TRAK1: variants seen among roughly 807,000 people sequenced by gnomAD.
TRAK1 encodes trafficking kinesin-binding protein 1.
A neutral mutation model predicts 92.1 loss-of-function variants in TRAK1; 33 were observed. The observed-to-expected ratio is 0.36, with a 90% CI of 0.27 to 0.48. TRAK1 has a LOEUF of 0.48. Among genes scored for constraint, TRAK1 ranks in the 20% least tolerant of loss-of-function variants. The probability of loss-of-function intolerance (pLI) is 0.99; values close to 1 mark genes in which losing one functional copy is unlikely to be tolerated. For missense variants in TRAK1, 1,123 were observed against 1,257.9 expected (o/e 0.89, Z 1.62); for synonymous variants, 521 against 517.3 (o/e 1.01, Z -0.10).
At chr3:42,016,113 G>T (rs974375907) in intron 1 of TRAK1, among the ~76,000 whole-genome samples, 6 of 152,080 alleles carry the variant, frequency 3.9e-5, no homozygotes, top group Non-Finnish European at 8.8e-5. Flanking sequence ...ACATTGAATG[G>T]AGTTCTTAAA....
upstream of TRAK1, among the ~76,000 whole-genome samples, chr3:42,084,682 A>C (rs982945614): frequency 1.3e-5 from 2 of 152,120 alleles, no homozygotes; most frequent in African/African-American, 4.8e-5. Context: ...CATCCTGCTC[A>C]GCCCTCTGCT....
chr3:42,204,023 T>C (rs9853735), intron 13 of TRAK1: 665,422 of 985,060 alleles, frequency 0.68, 225,644 homozygotes, highest in East Asian at 0.98. Context: ...GTGGGCTAGT[T>C]TGTTTTTATT....
At chr3:42,211,797 T>A in intron 14 of TRAK1, 1 of 985,472 alleles carries the variant, frequency 1.0e-6, no homozygotes, top group Non-Finnish European at 1.2e-6. Context: ...ACATTTTTCT[T>A]GCTTGTTCTC....
At chr3:42,054,836 A>G (rs967689836) in intron 1 of TRAK1, among the ~76,000 whole-genome samples, 2 of 149,898 alleles carry the variant, frequency 1.3e-5, no homozygotes, top group East Asian at 2.0e-4. Flanking sequence ...TTAATAATAC[A>G]GCTGTGTATG....
At chr3:42,181,757 G>A (rs981441259) in intron 3 of TRAK1, among the ~76,000 whole-genome samples, 8 of 152,136 alleles carry the variant, frequency 5.3e-5, no homozygotes, top group African/African-American at 1.9e-4. Context: ...TACTTCCAAA[G>A]AGAAGTGAAC....
At chr3:42,069,623 T>C (rs1703829983) in intron 1 of TRAK1, among the ~76,000 whole-genome samples, 1 of 152,176 alleles carries the variant, frequency 6.6e-6, no homozygotes, top group Admixed American at 6.5e-5. Flanking sequence ...TTAATCTATC[T>C]CTAGAGCGTC....
chr3:42,122,638 T>C (rs1467724082), intron 1 of TRAK1, among the ~76,000 whole-genome samples: 1 of 152,196 alleles, frequency 6.6e-6, no homozygotes, highest in African/African-American at 2.4e-5. Context: ...ATGAACTTCA[T>C]GGGAACTCAC....
intron 2 of TRAK1, among the ~76,000 whole-genome samples, chr3:42,161,668 G>A (rs1701287276): frequency 6.6e-6 from 1 of 152,212 alleles, no homozygotes; most frequent in African/African-American, 2.4e-5. Context: ...TGAAGTTACT[G>A]TTCTAAAAAT....
At chr3:42,033,199 C>G (rs1285147709) in intron 1 of TRAK1, among the ~76,000 whole-genome samples, 1 of 152,158 alleles carries the variant, frequency 6.6e-6, no homozygotes, top group East Asian at 1.9e-4. Flanking sequence ...GCCTGGCAGT[C>G]TGTGACCCCT....
chr3:42,140,072 G>A (rs1162469039), intron 2 of TRAK1, among the ~76,000 whole-genome samples: 1 of 152,162 alleles, frequency 6.6e-6, no homozygotes, highest in Non-Finnish European at 1.5e-5. Flanking sequence ...CTTCTCAGAG[G>A]TAGGGTTGAT....
chr3:42,183,553 T>TAAAAAAAAAAAAAAAAAAA (rs11293523), intron 3 of TRAK1, among the ~76,000 whole-genome samples: 11 of 117,330 alleles, frequency 9.4e-5, no homozygotes, highest in African/African-American at 3.2e-4. Flanking sequence ...AGACTCTGTC[T>TAAAAAAAAAAAAAAAAAAA]AAAAAAAAAA....
chr3:42,211,704 G>T (rs1709055353), intron 14 of TRAK1: 2 of 985,306 alleles, frequency 2.0e-6, no homozygotes, highest in Non-Finnish European at 2.4e-6. Flanking sequence ...AGTCAACAAA[G>T]AACTTACCTT....
chr3:42,196,818 G>A (rs11708221), intron 10 of TRAK1, among the ~76,000 whole-genome samples: 33,864 of 151,466 alleles, frequency 0.22, 4,374 homozygotes, highest in East Asian at 0.43. Flanking sequence ...AAAGTGCTAG[G>A]ATTACAGGCA....
chr3:42,200,905 C>T lies in TRAK1; in HGVS notation c.1278C>T (p.Pro426=), dbSNP rs376316651. 3.3e-5 allele frequency: 54 copies of T among 1,614,070 alleles called. No individual in the cohort carries two copies. The highest frequency in any genetic ancestry group is 1.1e-4 in the African/African-American group (8 of 74,896). ...RSLTPSPMNI[P]GSNQSSAMNS... ...TGACCCCTTCTCCCATGAACATCCC[C>T]GGCTCCAACCAGTCCTCGGCCATGA... The change falls in exon 12 of 16, where the codon CCC becomes CCT. Residue 426 remains proline (P), a synonymous_variant. Transcript: ENST00000327628.
intron 13 of TRAK1, among the ~76,000 whole-genome samples, chr3:42,207,258 A>G (rs556600350): frequency 7.9e-5 from 12 of 152,342 alleles, no homozygotes; most frequent in Admixed American, 7.8e-4. Context: ...CTGCACAGCC[A>G]GTGAGCATTT....
chr3:42,128,080 G>A (rs991798118), intron 2 of TRAK1, among the ~76,000 whole-genome samples: 2 of 152,212 alleles, frequency 1.3e-5, no homozygotes, highest in Admixed American at 6.5e-5. Context: ...TTGGGAGGCT[G>A]AGGCAGGAGA....
chr3:42,159,869 A>C (rs2149295988), intron 2 of TRAK1, among the ~76,000 whole-genome samples: 1 of 152,342 alleles, frequency 6.6e-6, no homozygotes, highest in African/African-American at 2.4e-5. Context: ...GTGCTTCAGC[A>C]GGACAATTCC....
At chr3:42,052,634 T>C (rs574554482) in intron 1 of TRAK1, among the ~76,000 whole-genome samples, 6 of 152,326 alleles carry the variant, frequency 3.9e-5, no homozygotes, top group African/African-American at 1.2e-4. Context: ...CTCTGCGTCA[T>C]GTGAAGAAGT....
intron 2 of TRAK1, among the ~76,000 whole-genome samples, chr3:42,132,452 C>G (rs1207896647): frequency 6.6e-6 from 1 of 151,584 alleles, no homozygotes; most frequent in Non-Finnish European, 1.5e-5. Flanking sequence ...TTTGTAGAGA[C>G]AGGGTTTTCA....
Sources: allele counts gnomAD v4.1 joint callset (sites outside exome capture counted in the v4.1 genomes callset), GRCh38; gene constraint gnomAD v4.1.1; transcripts MANE v1.5; gene names NCBI Gene and HGNC (gene_info 2026-07-23, HGNC 2026-07-21).